TBCK: variants seen among roughly 807,000 people sequenced by gnomAD.
TBCK encodes TBC domain-containing protein kinase-like protein.
A neutral mutation model predicts 113.4 loss-of-function variants in TBCK; 99 were observed. The ratio of observed to expected loss-of-function variants is 0.87; its 90% CI spans 0.74 to 1.03. The LOEUF is 1.03. Among genes scored for constraint, TBCK ranks in the 50% least tolerant of loss-of-function variants. TBCK has a pLI of 0.00. For missense variants in TBCK, 1,045 were observed against 1,061.3 expected (o/e 0.98, Z 0.21); for synonymous variants, 369 against 370.8 (o/e 1.00, Z 0.05).
intron 23 of TBCK, among the ~76,000 whole-genome samples, chr4:106,123,105 A>G (rs941755167): frequency 7.2e-5 from 11 of 152,228 alleles, no homozygotes; most frequent in Non-Finnish European, 7.3e-5. Flanking sequence ...TGCAGATGAC[A>G]TGAGTGTATA....
chr4:106,217,275 A>G (rs1378285407), intron 19 of TBCK, among the ~76,000 whole-genome samples: 1 of 152,176 alleles, frequency 6.6e-6, no homozygotes, highest in Non-Finnish European at 1.5e-5. Flanking sequence ...TGAATGGGCA[A>G]AAACTGGAAG....
At chr4:106,089,765 C>T (rs1448720808) in intron 25 of TBCK, among the ~76,000 whole-genome samples, 2 of 152,208 alleles carry the variant, frequency 1.3e-5, no homozygotes, top group Admixed American at 6.5e-5. Context: ...CTTAAAGCTC[C>T]AAAACAATCT....
At chr4:106,278,558 CAAAAAAA>C (rs376599844) in intron 3 of TBCK, among the ~76,000 whole-genome samples, 3 of 22,136 alleles carry the variant, frequency 1.4e-4, no homozygotes, top group Non-Finnish European at 2.5e-4. Flanking sequence ...AACTCTGTCT[CAAAAAAA>C]AAAAAAAAAA....
chr4:106,295,172 A>G lies in TBCK; in HGVS notation c.194-6T>C, dbSNP rs1462618056. ...AGCCACGACCACTAGTCGTTCTGAG[A>G]AAAACAAAGCAAACCCATGTTATAT... is the stretch of plus-strand genomic sequence containing the variant. On this transcript the variant is annotated splice_polypyrimidine_tract_variant and splice_region_variant and intron_variant, in intron 2 of 25. Coordinates refer to ENST00000394708, the MANE Select transcript of TBCK (RefSeq NM_001163435.3). 1.2e-6 allele frequency: 2 copies of G among 1,609,678 alleles called. No homozygotes were observed. The highest frequency in any genetic ancestry group is 1.7e-5 in the Admixed American group (1 of 58,590).
intron 25 of TBCK, among the ~76,000 whole-genome samples, chr4:106,095,150 C>T (rs1740758999): frequency 6.6e-6 from 1 of 152,150 alleles, no homozygotes; most frequent in Non-Finnish European, 1.5e-5. Context: ...TCATCATGAC[C>T]AGCTCTCAGA....
At chr4:106,235,731 G>A (rs1222938376) in intron 14 of TBCK, among the ~76,000 whole-genome samples, 1 of 151,944 alleles carries the variant, frequency 6.6e-6, no homozygotes, top group East Asian at 1.9e-4. Context: ...TAAAAACGTG[G>A]TGATAGAGAA....
chr4:106,230,097 A>C (rs1758691145), intron 19 of TBCK, among the ~76,000 whole-genome samples: 1 of 151,974 alleles, frequency 6.6e-6, no homozygotes, highest in South Asian at 2.1e-4. Context: ...TGAAAAACAC[A>C]AACGGCAGTC....
intron 5 of TBCK, among the ~76,000 whole-genome samples, chr4:106,257,018 G>A (rs1273156956): frequency 9.1e-4 from 138 of 151,952 alleles, no homozygotes; most frequent in Non-Finnish European, 7.6e-4. Flanking sequence ...CTTAAATAGA[G>A]GATATACTCA....
chr4:106,161,741 T>C (rs1749820956), intron 23 of TBCK, among the ~76,000 whole-genome samples: 1 of 151,714 alleles, frequency 6.6e-6, no homozygotes, highest in South Asian at 2.1e-4. Flanking sequence ...TGTGTGTATG[T>C]AAGAAGACTT....
intron 23 of TBCK, among the ~76,000 whole-genome samples, chr4:106,142,577 T>G (rs1747260158): frequency 6.6e-6 from 1 of 152,216 alleles, no homozygotes; most frequent in African/African-American, 2.4e-5. Flanking sequence ...GTAGACTCAC[T>G]GAATCCTTTA....
At chr4:106,159,683 T>C (rs1560738128) in intron 23 of TBCK, among the ~76,000 whole-genome samples, 1 of 151,976 alleles carries the variant, frequency 6.6e-6, no homozygotes, top group Non-Finnish European at 1.5e-5. Context: ...AGATATAATA[T>C]TGTTAAGATA....
intron 23 of TBCK, among the ~76,000 whole-genome samples, chr4:106,135,293 T>C (rs2149634339): frequency 6.6e-6 from 1 of 151,954 alleles, no homozygotes; most frequent in South Asian, 2.1e-4. Flanking sequence ...AGTCTTACAA[T>C]AATCCTGAGG....
rs115147008 is a variant in TBCK, at chr4:106,284,457, G to A, written c.266+10637C>T. Reference sequence around the variant, plus strand: ...TCCATCAGGCTAGTAAACAGCTGCAGACATAGTCTGCTTCCCATCAAAGTC... The same window carrying A: ...TCCATCAGGCTAGTAAACAGCTGCAAACATAGTCTGCTTCCCATCAAAGTC... On this transcript the variant is annotated intron_variant, in intron 3 of 25. Transcript: ENST00000394708. Among the ~76,000 whole-genome samples the A allele has an allele frequency of 4.2e-3, 639 of 152,226 alleles. 3 individuals are homozygous for A. Among genetic ancestry groups the A allele is most frequent in the Non-Finnish European group, 6.9e-3 (472 of 67,968 alleles).
At chr4:106,256,462 G>A (rs1186211368) in intron 5 of TBCK, among the ~76,000 whole-genome samples, 1 of 152,164 alleles carries the variant, frequency 6.6e-6, no homozygotes, top group Admixed American at 6.5e-5. Context: ...ACACCCAGCC[G>A]GGGTCCAACA....
intron 25 of TBCK, among the ~76,000 whole-genome samples, chr4:106,068,401 G>A (rs1276805338): frequency 3.3e-5 from 5 of 152,090 alleles, no homozygotes; most frequent in African/African-American, 4.8e-5. Flanking sequence ...AACATGTGGT[G>A]TTTGGTTTGC....
chr4:106,230,488 C>T, intron 18 of TBCK, 42 bp from the exon 19 acceptor site: 2 of 1,276,614 alleles, frequency 1.6e-6, no homozygotes, highest in East Asian at 2.4e-5. Flanking sequence ...AATTAGTTAA[C>T]AGGGTAGATG....
intron 19 of TBCK, among the ~76,000 whole-genome samples, chr4:106,216,168 C>T (rs1451204302): frequency 6.6e-5 from 10 of 151,340 alleles, no homozygotes; most frequent in African/African-American, 1.9e-4. Context: ...TTGAAACCAA[C>T]GAGAACAAAG....
Position 106,194,729 on chromosome 4 carries a change from G to GT in TBCK, c.1885dup (p.Thr629AsnfsTer45). The GT allele has an allele frequency of 6.3e-7, 1 of 1,591,060 alleles. No homozygotes were observed. Among genetic ancestry groups the GT allele is most frequent in the East Asian group, 2.3e-5 (1 of 43,414 alleles). On this transcript the variant is annotated frameshift_variant, in exon 21 of 26. Transcript: ENST00000394708. LOFTEE classifies it high-confidence loss of function. ...GAAGTCATACTTACGAGTAAACATGGTAAGAAACCAAGGGATGGCATAGAG... is the reference window on the plus strand; with the variant it reads ...GAAGTCATACTTACGAGTAAACATGGTTAAGAAACCAAGGGATGGCATAGAG...
intron 23 of TBCK, among the ~76,000 whole-genome samples, chr4:106,127,206 C>CAAAAAAAA (rs35461999): frequency 6.1e-5 from 4 of 65,486 alleles, no homozygotes; most frequent in East Asian, 3.7e-4. Context: ...GACTCCGTCT[C>CAAAAAAAA]AAAAAAAAAA....
Sources: gnomAD v4.1 joint callset for allele counts (sites outside exome capture counted in the v4.1 genomes callset) on GRCh38, gnomAD v4.1.1 for gene constraint, MANE v1.5 for transcripts, NCBI Gene and HGNC (gene_info 2026-07-23, HGNC 2026-07-21) for gene names.